TENM2: variants seen among roughly 807,000 people sequenced by gnomAD.
The protein encoded by TENM2 is teneurin transmembrane protein 2, also known as teneurin-2.
Under a neutral mutation model 245.2 loss-of-function variants are expected in TENM2, and 52 were observed. The observed-to-expected ratio is 0.21, with a 90% CI of 0.17 to 0.27. The LOEUF (loss-of-function observed/expected upper bound fraction) is 0.27. Among genes scored for constraint, TENM2 ranks in the 10% least tolerant of loss-of-function variants. The pLI, the probability that TENM2 is intolerant of heterozygous loss-of-function variation, is 1.00. For missense variants in TENM2, 3,046 were observed against 3,666.8 expected (o/e 0.83, Z 4.37); for synonymous variants, 1,363 against 1,438.9 (o/e 0.95, Z 1.19).
intron 2 of TENM2, among the ~76,000 whole-genome samples, chr5:167,437,162 G>C (rs776648372): frequency 6.6e-6 from 1 of 152,288 alleles, no homozygotes; most frequent in Non-Finnish European, 1.5e-5. Context: ...GCAGCCAGGA[G>C]GGGGGCTATA....
chr5:167,908,883 C>A (rs923908516), intron 3 of TENM2, among the ~76,000 whole-genome samples: 2 of 151,878 alleles, frequency 1.3e-5, no homozygotes, highest in Non-Finnish European at 2.9e-5. Flanking sequence ...CCATGGGCAT[C>A]ATAGAAGCTT....
intron 5 of TENM2, among the ~76,000 whole-genome samples, chr5:168,046,005 A>G (rs10516042): frequency 0.072 from 11,033 of 152,266 alleles, 1,112 homozygotes; most frequent in African/African-American, 0.23. Flanking sequence ...AAGTTGTAAC[A>G]GTGGGCCTTT....
intron 2 of TENM2, among the ~76,000 whole-genome samples, chr5:167,630,298 C>G (rs1778783592): frequency 6.6e-6 from 1 of 152,096 alleles, no homozygotes; most frequent in African/African-American, 2.4e-5. Context: ...CACTGTGACA[C>G]CCTACAGTGG....
At chr5:167,784,849 G>A (rs1419834056) in intron 2 of TENM2, among the ~76,000 whole-genome samples, 1 of 152,108 alleles carries the variant, frequency 6.6e-6, no homozygotes, top group Non-Finnish European at 1.5e-5. Flanking sequence ...TGTTATTTGG[G>A]TTTCAATTTA....
Position 167,357,300 on chromosome 5 carries a change from C to CTT in TENM2, c.227-17884_227-17883dup, listed in dbSNP as rs11442891. ...CCCCCTTATGCAAGAGCCATCCTTT[C>CTT]TTTTTTTTTTTTTTTCTTGTTGCCC... On this transcript the variant is annotated intron_variant, in intron 1 of 28. Coordinates refer to ENST00000518659, the Ensembl canonical transcript of TENM2. Among the ~76,000 whole-genome samples the CTT allele has an allele frequency of 3.5e-3, 491 of 139,894 alleles. 4 individuals carry two copies. Among genetic ancestry groups the CTT allele is most frequent in the East Asian group, 0.013 (65 of 4,816 alleles). The allele number at this position is 139,894 out of a possible 152,430, so 91.8% of individuals were successfully genotyped here.
intron 2 of TENM2, among the ~76,000 whole-genome samples, chr5:167,554,245 G>A (rs1377063541): frequency 6.6e-6 from 1 of 152,194 alleles, no homozygotes; most frequent in African/African-American, 2.4e-5. Flanking sequence ...ATTGAAGTAA[G>A]GAAGGTTACC....
chr5:167,661,789 A>G (rs1755223762), intron 2 of TENM2, among the ~76,000 whole-genome samples: 1 of 151,536 alleles, frequency 6.6e-6, no homozygotes. Flanking sequence ...TAGCTTAGGC[A>G]TGTTTGTCTG....
chr5:167,462,175 A>ATCCCCC (rs1766338859), intron 2 of TENM2, among the ~76,000 whole-genome samples: 1 of 52,902 alleles, frequency 1.9e-5, no homozygotes, highest in African/African-American at 6.7e-5. Context: ...GAGTTCCCTG[A>ATCCCCC]CCCCCACCCC....
At chr5:167,625,084 A>G (rs1000987958) in intron 2 of TENM2, among the ~76,000 whole-genome samples, 5 of 152,216 alleles carry the variant, frequency 3.3e-5, no homozygotes, top group South Asian at 2.1e-4. Flanking sequence ...TTTACCCCCA[A>G]GCAGAGAGCT....
chr5:167,294,548 G>A (rs1360502794), intron 1 of TENM2, among the ~76,000 whole-genome samples: 1 of 152,022 alleles, frequency 6.6e-6, no homozygotes, highest in Admixed American at 6.6e-5. Flanking sequence ...TATTCACTCA[G>A]TGCAAACTTG....
At chr5:167,667,954 G>C (rs1299591780) in intron 2 of TENM2, among the ~76,000 whole-genome samples, 4 of 152,180 alleles carry the variant, frequency 2.6e-5, no homozygotes, top group African/African-American at 9.7e-5. Context: ...ACACAGTAAA[G>C]AACTCTTCAT....
intron 2 of TENM2, among the ~76,000 whole-genome samples, chr5:167,477,770 G>A (rs565298278): frequency 1.3e-5 from 2 of 151,976 alleles, no homozygotes; most frequent in South Asian, 4.2e-4. Flanking sequence ...AAAAATAGAG[G>A]ATAGATAGAT....
At chr5:167,640,878 T>TATATATATATCC (rs1779542291) in intron 2 of TENM2, among the ~76,000 whole-genome samples, 1 of 60,294 alleles carries the variant, frequency 1.7e-5, no homozygotes, top group Admixed American at 1.6e-4. Flanking sequence ...TATATATATA[T>TATATATATATCC]ATATATATAT....
intron 2 of TENM2, among the ~76,000 whole-genome samples, chr5:167,542,940 A>G (rs772812095): frequency 1.3e-5 from 2 of 152,176 alleles, no homozygotes; most frequent in Non-Finnish European, 2.9e-5. Flanking sequence ...GATACGTCAC[A>G]TGACTATATT....
chr5:167,880,377 C>A (rs556271217), intron 3 of TENM2, among the ~76,000 whole-genome samples: 3 of 151,844 alleles, frequency 2.0e-5, no homozygotes, highest in Non-Finnish European at 4.4e-5. Context: ...TTAGATGATA[C>A]AATAAAGGTA....
rs547386891 is a variant in TENM2 at position 168,073,627 on chromosome 5, A to G, written c.1515+11362A>G. ...TTGTTGCATATTTGCAGCTGTGTAC[A>G]CAACTCCAGCTAGGAACACATGTTA... On this transcript the variant is annotated intron_variant, in intron 7 of 28. Transcript: ENST00000518659. Among the ~76,000 whole-genome samples, 131 of 152,358 alleles carry G rather than the reference A, an allele frequency of 8.6e-4. 1 individual carries two copies. The highest frequency in any genetic ancestry group is 2.6e-3 in the African/African-American group (110 of 41,592).
At chr5:167,346,964 G>C (rs1203661005) in intron 1 of TENM2, among the ~76,000 whole-genome samples, 4 of 151,928 alleles carry the variant, frequency 2.6e-5, no homozygotes, top group African/African-American at 9.7e-5. Flanking sequence ...TGTAGAGACA[G>C]GGTCTTGCCA....
At chr5:168,078,116 C>T (rs368273572) in intron 7 of TENM2, among the ~76,000 whole-genome samples, 1 of 152,154 alleles carries the variant, frequency 6.6e-6, no homozygotes, top group Non-Finnish European at 1.5e-5. Flanking sequence ...TAATGATCGC[C>T]ATTCTAACTG....
At chr5:167,301,183 G>A (rs892854014) in intron 1 of TENM2, among the ~76,000 whole-genome samples, 9 of 152,226 alleles carry the variant, frequency 5.9e-5, no homozygotes, top group Non-Finnish European at 2.9e-5. Context: ...GATCTGGGAA[G>A]GAGTCAGAAA....
Sources: gnomAD v4.1 joint callset for allele counts (sites outside exome capture counted in the v4.1 genomes callset) on GRCh38, gnomAD v4.1.1 for gene constraint, MANE v1.5 for transcripts, NCBI Gene and HGNC (gene_info 2026-07-23, HGNC 2026-07-21) for gene names.